The following SLC9A9 variants were observed in gnomAD, a reference collection of about 807,000 sequenced individuals.
The protein encoded by SLC9A9 is solute carrier family 9 member A9, also known as sodium/hydrogen exchanger 9.
Under a neutral mutation model 77.8 loss-of-function variants are expected in SLC9A9, and 62 were observed. The ratio of observed to expected loss-of-function variants is 0.80; its 90% CI spans 0.65 to 0.98. The LOEUF (loss-of-function observed/expected upper bound fraction) is 0.98, where lower values mean the gene tolerates loss of function less well. Ranked by LOEUF, SLC9A9 falls within the 50% of genes least tolerant of loss-of-function variation. SLC9A9 has a pLI of 0.00. For missense variants in SLC9A9, 775 were observed against 774.9 expected (o/e 1.00, Z 0.00); for synonymous variants, 320 against 283.5 (o/e 1.13, Z -1.29).
At chr3:143,671,656 A>G (rs1420349264) in intron 5 of SLC9A9, among the ~76,000 whole-genome samples, 1 of 152,232 alleles carries the variant, frequency 6.6e-6, no homozygotes, top group African/African-American at 2.4e-5. Context: ...AGGTTTATGT[A>G]GAGGGTTTTA....
chr3:143,652,826 G>A (rs1203370105), intron 5 of SLC9A9, among the ~76,000 whole-genome samples: 1 of 105,674 alleles, frequency 9.5e-6, no homozygotes, highest in Non-Finnish European at 1.9e-5. Context: ...TTGCTACCAA[G>A]GACTCATTTT....
intron 5 of SLC9A9, among the ~76,000 whole-genome samples, chr3:143,657,763 T>C (rs2038915487): frequency 6.6e-6 from 1 of 152,240 alleles, no homozygotes; most frequent in African/African-American, 2.4e-5. Flanking sequence ...AAAAATATGT[T>C]ATTTATATTA....
chr3:143,783,539 T>C (rs1228626677), intron 4 of SLC9A9, among the ~76,000 whole-genome samples: 1 of 152,188 alleles, frequency 6.6e-6, no homozygotes, highest in Non-Finnish European at 1.5e-5. Context: ...AGGTAAAGTA[T>C]GGAATATTCA....
At chr3:143,432,299 C>T (rs1488293518) in intron 12 of SLC9A9, among the ~76,000 whole-genome samples, 1 of 152,166 alleles carries the variant, frequency 6.6e-6, no homozygotes, top group African/African-American at 2.4e-5. Context: ...CTCTCAGCTC[C>T]TGATGATGTA....
intron 14 of SLC9A9, among the ~76,000 whole-genome samples, chr3:143,293,577 T>A (rs1435483280): frequency 6.6e-6 from 1 of 152,192 alleles, no homozygotes; most frequent in African/African-American, 2.4e-5. Flanking sequence ...ACTTTCAAAA[T>A]GAAATACACC....
chr3:143,334,368 G>T (rs1051076106), intron 14 of SLC9A9, among the ~76,000 whole-genome samples: 1 of 152,226 alleles, frequency 6.6e-6, no homozygotes, highest in African/African-American at 2.4e-5. Flanking sequence ...GCAGATGGCT[G>T]TTGGAAGCGG....
intron 6 of SLC9A9, among the ~76,000 whole-genome samples, chr3:143,616,441 C>T (rs1205255585): frequency 6.6e-6 from 1 of 152,132 alleles, no homozygotes; most frequent in Non-Finnish European, 1.5e-5. Context: ...GACTTGGGGA[C>T]AGTGAATGAA....
intron 4 of SLC9A9, among the ~76,000 whole-genome samples, chr3:143,792,434 A>T (rs973221381): frequency 6.6e-6 from 1 of 151,986 alleles, no homozygotes; most frequent in African/African-American, 2.4e-5. Flanking sequence ...ACTTGCCAAT[A>T]CTCTTCCCTC....
intron 14 of SLC9A9, among the ~76,000 whole-genome samples, chr3:143,296,316 T>C (rs1389371670): frequency 1.3e-5 from 2 of 152,264 alleles, no homozygotes; most frequent in Non-Finnish European, 2.9e-5. Flanking sequence ...CCATGCAGTA[T>C]TTGTCCTTTT....
intron 4 of SLC9A9, among the ~76,000 whole-genome samples, chr3:143,695,662 T>C (rs950808265): frequency 6.6e-6 from 1 of 152,188 alleles, no homozygotes; most frequent in African/African-American, 2.4e-5. Flanking sequence ...CATGTGTCTT[T>C]ATAGCAGAAT....
At chr3:143,593,552 C>T (rs2037696498) in intron 6 of SLC9A9, among the ~76,000 whole-genome samples, 1 of 151,664 alleles carries the variant, frequency 6.6e-6, no homozygotes, top group South Asian at 2.1e-4. Context: ...TGTTAGGAAA[C>T]ATGCAAATAG....
chr3:143,780,868 A>G (rs1199971361), intron 4 of SLC9A9, among the ~76,000 whole-genome samples: 1 of 152,256 alleles, frequency 6.6e-6, no homozygotes, highest in African/African-American at 2.4e-5. Context: ...TTGCTGTCAA[A>G]GAAAGAAATT....
chr3:143,799,804 C>T (rs2008499096), intron 2 of SLC9A9, among the ~76,000 whole-genome samples: 1 of 152,192 alleles, frequency 6.6e-6, no homozygotes, highest in South Asian at 2.1e-4. Flanking sequence ...CCATCACGAA[C>T]ACCGAGCTTC....
At chr3:143,465,751 G>C (rs531446807) in intron 12 of SLC9A9, among the ~76,000 whole-genome samples, 1 of 152,302 alleles carries the variant, frequency 6.6e-6, no homozygotes, top group South Asian at 2.1e-4. Flanking sequence ...AATGCAATCT[G>C]TGTACTCATC....
intron 9 of SLC9A9, among the ~76,000 whole-genome samples, chr3:143,546,339 C>T (rs919752165): frequency 6.6e-6 from 1 of 152,160 alleles, no homozygotes; most frequent in Admixed American, 6.5e-5. Context: ...AAAGAATGTG[C>T]TATAATGAAG....
chr3:143,549,508 C>A (rs955273193), intron 9 of SLC9A9, among the ~76,000 whole-genome samples: 1 of 152,036 alleles, frequency 6.6e-6, no homozygotes, highest in Non-Finnish European at 1.5e-5. Flanking sequence ...GATCCAGGCA[C>A]CCCCAAAAAA....
chr3:143,400,473 G>C (rs770281286), intron 12 of SLC9A9, among the ~76,000 whole-genome samples: 1 of 152,012 alleles, frequency 6.6e-6, no homozygotes, highest in East Asian at 1.9e-4. Context: ...CTCATAAGTG[G>C]GAACTAAGCT....
At chr3:143,518,346 A>G (rs1048303778) in intron 9 of SLC9A9, 1 of 644,360 alleles carries the variant, frequency 1.6e-6, no homozygotes, top group African/African-American at 1.8e-5. Context: ...TTTTTGTGTA[A>G]TATTATTTGT....
chr3:143,369,657 A>G (rs1359788471), intron 13 of SLC9A9, among the ~76,000 whole-genome samples: 1 of 152,206 alleles, frequency 6.6e-6, no homozygotes, highest in East Asian at 1.9e-4. Flanking sequence ...TTAAAATTAA[A>G]AAAAAATCTC....
Sources: gnomAD v4.1 joint callset for allele counts (sites outside exome capture counted in the v4.1 genomes callset) on GRCh38, gnomAD v4.1.1 for gene constraint, MANE v1.5 for transcripts, NCBI Gene and HGNC (gene_info 2026-07-23, HGNC 2026-07-21) for gene names.